DNAH8: variants seen among roughly 807,000 people sequenced by gnomAD.
The protein encoded by DNAH8 is axonemal beta dynein heavy chain 8.
Under a neutral mutation model 562.1 loss-of-function variants are expected in DNAH8, and 382 were observed. The ratio of observed to expected loss-of-function variants is 0.68; its 90% CI spans 0.63 to 0.74. The LOEUF is 0.74. Among genes scored for constraint, DNAH8 ranks in the 30% least tolerant of loss-of-function variants. DNAH8 has a pLI of 0.00. For synonymous variants in DNAH8, 1,881 were observed against 1,919.4 expected (o/e 0.98, Z 0.52); for missense variants, 5,203 against 5,620.4 (o/e 0.93, Z 2.37).
At chr6:38,812,629 T>C (rs1292183982) in intron 24 of DNAH8, among the ~76,000 whole-genome samples, 1 of 152,210 alleles carries the variant, frequency 6.6e-6, no homozygotes, top group East Asian at 1.9e-4. Flanking sequence ...TTTGTTTTGA[T>C]GCTGACAGGA....
chr6:38,847,223 A>C (rs1283215464), intron 36 of DNAH8, among the ~76,000 whole-genome samples: 2 of 152,248 alleles, frequency 1.3e-5, no homozygotes, highest in South Asian at 2.1e-4. Flanking sequence ...TGTACAATGC[A>C]GGTATCTAGC....
chr6:38,723,970 T>TTTAATTAATTAATTAATTAATTAATTAA (rs68148878), intron 3 of DNAH8, among the ~76,000 whole-genome samples: 2 of 142,196 alleles, frequency 1.4e-5, no homozygotes, highest in Non-Finnish European at 3.2e-5. Flanking sequence ...TCTTTTTAAA[T>TTTAATTAATTAATTAATTAATTAATTAA]TTAATTAATT....
chr6:38,951,620 A>G, intron 82 of DNAH8, 100 bp downstream of exon 82: 1 of 1,054,514 alleles, frequency 9.5e-7, no homozygotes, highest in Non-Finnish European at 1.4e-6. Flanking sequence ...AAATAGATGT[A>G]AAACTGAATT....
intron 7 of DNAH8, among the ~76,000 whole-genome samples, chr6:38,738,801 A>G (rs1003928818): frequency 2.0e-5 from 3 of 152,268 alleles, no homozygotes; most frequent in South Asian, 2.1e-4. Flanking sequence ...TGGCCACAGC[A>G]TTTGCTTCCA....
chr6:38,911,767 A>T (rs1780920944), intron 66 of DNAH8, among the ~76,000 whole-genome samples, 181 bp downstream of exon 66: 1 of 152,194 alleles, frequency 6.6e-6, no homozygotes, highest in Non-Finnish European at 1.5e-5. Flanking sequence ...AACAGAAGAA[A>T]ATCTAAACAG....
In DNAH8 at chr6:38,934,018, C is replaced by T. The variant is rs146938053; in HGVS notation, c.11458-1574C>T. Among the ~76,000 whole-genome samples the T allele has an allele frequency of 1.5e-3, 230 of 152,066 alleles. 4 individuals are homozygous for T. In the East Asian group the frequency reaches 0.026, roughly 17 times the overall value. On this transcript the variant is annotated intron_variant, in intron 76 of 92. Transcript: ENST00000327475. The stretch of plus-strand genomic sequence containing the variant: ...GTATCTGTTTTCTAGATGCATAAAC[C>T]GTAGTTGGAGGGAAATAATCTACTG...
At chr6:38,719,141 A>G (rs1383580549) in intron 1 of DNAH8, among the ~76,000 whole-genome samples, 2 of 152,214 alleles carry the variant, frequency 1.3e-5, no homozygotes, top group Non-Finnish European at 2.9e-5. Context: ...TTCTTCAGGA[A>G]TTCTTGTCTG....
intron 26 of DNAH8, among the ~76,000 whole-genome samples, chr6:38,817,032 C>G (rs1772345405): frequency 6.6e-6 from 1 of 152,128 alleles, no homozygotes; most frequent in African/African-American, 2.4e-5. Flanking sequence ...CAGGGAAAGG[C>G]AAATTGAAAA....
chr6:39,015,682 G>C (rs12214049), intron 91 of DNAH8, among the ~76,000 whole-genome samples: 37,192 of 152,146 alleles, frequency 0.24, 5,658 homozygotes, highest in Non-Finnish European at 0.34. Flanking sequence ...CCAGTTTCGG[G>C]TATGTCTTTA....
chr6:38,911,418 T>A (rs1334749376), intron 65 of DNAH8, 50 bp from the exon 66 acceptor site: 2 of 1,315,682 alleles, frequency 1.5e-6, no homozygotes, highest in South Asian at 2.4e-5. Flanking sequence ...TGTCGTTTTA[T>A]GGGAGTACGC....
intron 79 of DNAH8, among the ~76,000 whole-genome samples, chr6:38,940,180 T>C (rs1053273032): frequency 1.3e-5 from 2 of 152,216 alleles, no homozygotes; most frequent in African/African-American, 4.8e-5. Flanking sequence ...CAAGGGAGTC[T>C]CTTTCAATCT....
intron 9 of DNAH8, among the ~76,000 whole-genome samples, chr6:38,754,990 G>A (rs1427941920): frequency 6.6e-6 from 1 of 151,942 alleles, no homozygotes. Context: ...GACTGCAGTT[G>A]AGTACCTGTG....
intron 21 of DNAH8, among the ~76,000 whole-genome samples, chr6:38,800,199 G>A (rs577366226): frequency 2.0e-5 from 3 of 151,796 alleles, no homozygotes; most frequent in African/African-American, 2.4e-5. Flanking sequence ...ATGCTGCTGC[G>A]AACATAAGTG....
At chr6:38,715,790 A>ACCG (rs1554190059) in intron 1 of DNAH8, among the ~76,000 whole-genome samples, 4 of 143,500 alleles carry the variant, frequency 2.8e-5, no homozygotes, top group South Asian at 4.4e-4. Flanking sequence ...GTGAGGGATG[A>ACCG]AACAACTACA....
Position 39,030,511 on chromosome 6 carries a change from A to G in DNAH8, c.*119A>G, listed in dbSNP as rs1156359906. The G allele has an allele frequency of 4.4e-6, 4 of 900,260 alleles. No individual in the cohort carries two copies. Among genetic ancestry groups the G allele is most frequent in the Non-Finnish European group, 6.6e-6 (4 of 605,296 alleles). 55.8% of individuals were successfully genotyped at this position (900,260 alleles called of 1,614,324 possible). A position where few individuals can be genotyped will look rare whatever the true frequency, so the allele number is the denominator to read the frequency against. ...TTCCTTAATTACTCTTTCTACATTA[A>G]AAAGTTGATGTTCTAAAATTGCTAG... On this transcript the variant is annotated 3_prime_UTR_variant, in exon 93 of 93. Coordinates refer to ENST00000327475, the MANE Select transcript of DNAH8 (RefSeq NM_001206927.2).
At position 38,908,106 on chromosome 6, in the gene DNAH8, C is replaced by A; in HGVS notation, c.9499C>A (p.Leu3167Ile). The A allele has an allele frequency of 6.4e-7, 1 of 1,567,506 alleles. No individual in the cohort carries two copies. Among genetic ancestry groups the A allele is most frequent in the South Asian group, 1.2e-5 (1 of 83,780 alleles). Residue 3167 changes from leucine (L) to isoleucine (I), a missense_variant, in exon 64 of 93, where the codon CTC becomes ATC. Leu to Ile is a conservative substitution (Grantham distance 5). Transcript: ENST00000327475. ...SRSRKNLHVVLCFSPVGEKFR... is the reference protein window; with the variant it reads ...SRSRKNLHVVICFSPVGEKFR... Reference sequence around the variant, plus strand: ...ATCAAGGAAGAACTTACATGTTGTTCTCTGCTTTTCTCCAGTAAGTTTTTA... The same window carrying A: ...ATCAAGGAAGAACTTACATGTTGTTATCTGCTTTTCTCCAGTAAGTTTTTA...
chr6:38,866,495 C>A, intron 45 of DNAH8, 96 bp from the exon 46 acceptor site: 3 of 826,582 alleles, frequency 3.6e-6, no homozygotes, highest in South Asian at 1.9e-5. Context: ...ATTTTCAATA[C>A]CATCTTAAAA....
intron 56 of DNAH8, among the ~76,000 whole-genome samples, chr6:38,885,185 G>A (rs9394550): frequency 0.44 from 67,563 of 151,896 alleles, 15,842 homozygotes; most frequent in East Asian, 0.84. Flanking sequence ...CCTGAATTCC[G>A]AACTCACGTA....
At chr6:38,857,821 T>C (rs1776323600) in intron 42 of DNAH8, 79 bp downstream of exon 42, 2 of 888,590 alleles carry the variant, frequency 2.3e-6, no homozygotes, top group South Asian at 3.5e-5. Flanking sequence ...CTAACTTACA[T>C]GAACTTTCCA....
Sources: gnomAD v4.1 joint callset for allele counts (sites outside exome capture counted in the v4.1 genomes callset) on GRCh38, gnomAD v4.1.1 for gene constraint, MANE v1.5 for transcripts, NCBI Gene and HGNC (gene_info 2026-07-23, HGNC 2026-07-21) for gene names.